The following OR2C1 variants were observed in gnomAD, a reference collection of about 807,000 sequenced individuals.
OR2C1 encodes olfactory receptor 2C1.
For missense variants in OR2C1, 468 were observed against 388.3 expected (o/e 1.21, Z -1.73); for synonymous variants, 209 against 167.3 (o/e 1.25, Z -1.92).
chr16:3,323,631 C>CGCCAACAATCCTTTTGCTGCA, the OR2C1 span: 12 of 718,988 alleles, frequency 1.7e-5, no homozygotes, highest in South Asian at 1.7e-4. Flanking sequence ...AGTAGACTCA[C>CGCCAACAATCCTTTTGCTGCA]GCCAACAATC....
chr16:3,356,184 C>A lies in OR2C1; in HGVS notation c.244C>A (p.Leu82Met), dbSNP rs754817821. 1.3e-5 allele frequency: 21 copies of A among 1,614,102 alleles called. No individual in the cohort carries two copies. In the African/African-American group the frequency reaches 2.5e-4, roughly 19 times the overall value. ...AFATSSVPQM[L>M]INLWGPGKTI... is the part of the protein sequence containing the mutation. The stretch of plus-strand genomic sequence containing the variant: ...CGCTACTAGTTCAGTCCCCCAAATG[C>A]TGATCAATTTATGGGGACCAGGCAA... Residue 82 changes from leucine (L) to methionine (M), a missense_variant, in exon 1 of 1, where the codon CTG becomes ATG. Coordinates refer to ENST00000304936, the MANE Select transcript of OR2C1 (RefSeq NM_012368.3).
At chr16:3,330,987 G>A in the OR2C1 span, among the ~76,000 whole-genome samples, 1 of 152,108 alleles carries the variant, frequency 6.6e-6, no homozygotes, top group Non-Finnish European at 1.5e-5. Flanking sequence ...GGTTGAACTA[G>A]TTTACAGTCC....
upstream of OR2C1, among the ~76,000 whole-genome samples, chr16:3,351,225 TC>T (rs1167831755): frequency 0.12 from 1,209 of 9,812 alleles, 30 homozygotes; most frequent in African/African-American, 0.28. Context: ...TTTTTCTTTT[TC>T]TTTTTTTTTT....
the OR2C1 span, among the ~76,000 whole-genome samples, chr16:3,325,857 G>T: frequency 3.9e-3 from 593 of 151,496 alleles, 5 homozygotes; most frequent in African/African-American, 0.014. Context: ...GTAGGTGCCT[G>T]ATGTGAGTAT....
chr16:3,355,167 A>C (rs1411955438), upstream of OR2C1, among the ~76,000 whole-genome samples: 1 of 151,988 alleles, frequency 6.6e-6, no homozygotes, highest in Non-Finnish European at 1.5e-5. Context: ...ATTACAACAG[A>C]AGTTTGAAAT....
the OR2C1 span, among the ~76,000 whole-genome samples, chr16:3,328,261 C>T: frequency 2.0e-5 from 3 of 152,190 alleles, no homozygotes; most frequent in African/African-American, 7.2e-5. Context: ...CTTATAAAAA[C>T]ATACTTAGCC....
the OR2C1 span, among the ~76,000 whole-genome samples, chr16:3,331,871 A>G: frequency 6.6e-6 from 1 of 151,360 alleles, no homozygotes; most frequent in Non-Finnish European, 1.5e-5. Flanking sequence ...TGTGGCACAT[A>G]TACACCATGG....
upstream of OR2C1, among the ~76,000 whole-genome samples, chr16:3,352,743 T>C (rs1460066687): frequency 2.9e-4 from 44 of 149,256 alleles, no homozygotes; most frequent in African/African-American, 6.9e-4. Flanking sequence ...TCTTTCTTTT[T>C]TTTTTTTTTT....
the OR2C1 span, among the ~76,000 whole-genome samples, chr16:3,337,118 G>A: frequency 6.6e-6 from 1 of 151,492 alleles, no homozygotes; most frequent in Non-Finnish European, 1.5e-5. Context: ...GCCTCCCAAA[G>A]TGCTAAGATT....
the OR2C1 span, chr16:3,324,032 C>A: frequency 2.4e-6 from 1 of 418,514 alleles, no homozygotes. Context: ...TTTGTACAAT[C>A]AACTGAATGA....
At position 3,356,904 on chromosome 16, in the gene OR2C1, G is replaced by A; in HGVS notation, c.*25G>A. ...AGAGAACACTCCTTCGTTATTTATT[G>A]CGTCTTCATCTCTACATGCGTTTCT... On this transcript the variant is annotated 3_prime_UTR_variant, in exon 1 of 1. Transcript: ENST00000304936. The A allele has an allele frequency of 4.0e-6, 6 of 1,504,560 alleles. No homozygotes were observed. The highest frequency in any genetic ancestry group is 5.4e-6 in the Non-Finnish European group (6 of 1,117,748). The allele number at this position is 1,504,560 out of a possible 1,614,324, so 93.2% of individuals were successfully genotyped here.
At chr16:3,344,338 A>G in the OR2C1 span, among the ~76,000 whole-genome samples, 2 of 152,210 alleles carry the variant, frequency 1.3e-5, no homozygotes, top group Admixed American at 6.6e-5. Flanking sequence ...AAAAATAGCT[A>G]ACATATTTAT....
chr16:3,338,538 C>CTTT, the OR2C1 span, among the ~76,000 whole-genome samples: 8 of 103,350 alleles, frequency 7.7e-5, 1 homozygote, highest in Non-Finnish European at 1.3e-4. Context: ...GTATAGGTAC[C>CTTT]TTTTTTTTTT....
upstream of OR2C1, among the ~76,000 whole-genome samples, chr16:3,353,736 G>C (rs1015344363): frequency 1.3e-5 from 2 of 151,710 alleles, no homozygotes; most frequent in Non-Finnish European, 2.9e-5. Flanking sequence ...GGGAGGCAGA[G>C]GTTGCAGTGA....
the OR2C1 span, among the ~76,000 whole-genome samples, chr16:3,327,635 A>AGTTATT: frequency 4.0e-5 from 6 of 151,356 alleles, no homozygotes; most frequent in East Asian, 9.7e-4. Flanking sequence ...CCCTGGAGCA[A>AGTTATT]GTTATTACTA....
At chr16:3,343,587 A>G in the OR2C1 span, among the ~76,000 whole-genome samples, 2 of 152,118 alleles carry the variant, frequency 1.3e-5, no homozygotes, top group African/African-American at 4.8e-5. Context: ...CCCCGTCTCT[A>G]CTAAAAATAC....
the OR2C1 span, among the ~76,000 whole-genome samples, chr16:3,344,736 AAT>A: frequency 2.0e-5 from 3 of 150,356 alleles, no homozygotes; most frequent in African/African-American, 5.0e-5. Flanking sequence ...TCAAAAAAAA[AAT>A]TTTTTTTGAT....
chr16:3,350,444 C>T, the OR2C1 span, among the ~76,000 whole-genome samples: 1 of 147,990 alleles, frequency 6.8e-6, no homozygotes, highest in Non-Finnish European at 1.5e-5. Context: ...TGGAGTCTTG[C>T]TCTGTCGCCC....
At chr16:3,339,274 G>GTT in the OR2C1 span, among the ~76,000 whole-genome samples, 28 of 130,868 alleles carry the variant, frequency 2.1e-4, no homozygotes, top group Non-Finnish European at 2.9e-4. Flanking sequence ...ATGAACATTA[G>GTT]TTTTTTTTTT....
Sources: allele counts gnomAD v4.1 joint callset (sites outside exome capture counted in the v4.1 genomes callset), GRCh38; gene constraint gnomAD v4.1.1; transcripts MANE v1.5; gene names NCBI Gene and HGNC (gene_info 2026-07-23, HGNC 2026-07-21).